The following ZFYVE9 variants were observed in gnomAD, a reference collection of about 807,000 sequenced individuals.
The protein encoded by ZFYVE9 is zinc finger FYVE-type containing 9.
ZFYVE9 carries 43 observed loss-of-function variants against 126.7 expected under a neutral mutation model. The observed-to-expected ratio is 0.34, with a 90% confidence interval of 0.27 to 0.44. ZFYVE9 has a LOEUF of 0.44. Among genes scored for constraint, ZFYVE9 ranks in the 20% least tolerant of loss-of-function variants. The pLI is 1.00. For missense variants in ZFYVE9, 1,476 were observed against 1,697.0 expected (o/e 0.87, Z 2.29); for synonymous variants, 521 against 597.4 (o/e 0.87, Z 1.87).
chr1:52,326,190 T>G (rs1429759810), intron 13 of ZFYVE9, among the ~76,000 whole-genome samples: 1 of 152,248 alleles, frequency 6.6e-6, no homozygotes, highest in African/African-American at 2.4e-5. Flanking sequence ...TACTGGTATG[T>G]CATTCTCAAT....
chr1:52,280,876 G>T lies in ZFYVE9; in HGVS notation c.2870-785G>T, dbSNP rs1645796047. Among the ~76,000 whole-genome samples the T allele has an allele frequency of 2.0e-5, 3 of 152,046 alleles. No homozygotes were observed. The South Asian group carries it at 6.2e-4, about 32-fold the overall frequency. ...TATTTCCTTTAGGTCACAACCTGAAGATAAAGCTATATTATTGGCTTTTGT... is the reference window on the plus strand; with the variant it reads ...TATTTCCTTTAGGTCACAACCTGAATATAAAGCTATATTATTGGCTTTTGT... On this transcript the variant is annotated intron_variant, in intron 9 of 18. Transcript: ENST00000287727.
chr1:52,219,803 G>GT lies in ZFYVE9; in HGVS notation c.-37+3329_-37+3330insT, dbSNP rs1557463701. Among the ~76,000 whole-genome samples, 1,128 of 137,276 alleles carry GT rather than the reference G, an allele frequency of 8.2e-3. 17 individuals carry two copies. Among genetic ancestry groups the GT allele is most frequent in the Middle Eastern group, 0.064 (17 of 264 alleles). 90.1% of individuals were successfully genotyped at this position (137,276 alleles called of 152,430 possible). On this transcript the variant is annotated intron_variant, in intron 2 of 18. Coordinates refer to ENST00000287727, the MANE Select transcript of ZFYVE9 (RefSeq NM_004799.4). ...TGTGTGTGTGTGTGTGTGTGTGTGT[G>GT]GCAGAGTCTTACTCTGTCGCCCGGG...
chr1:52,224,810 G>T (rs1349171544), intron 2 of ZFYVE9, among the ~76,000 whole-genome samples: 1 of 152,034 alleles, frequency 6.6e-6, no homozygotes, highest in Non-Finnish European at 1.5e-5. Flanking sequence ...CCTGGCGGTT[G>T]GTGAGGCTAA....
At chr1:52,208,541 GCCCA>G (rs1644997835) in intron 1 of ZFYVE9, among the ~76,000 whole-genome samples, 1 of 136,100 alleles carries the variant, frequency 7.3e-6, no homozygotes, top group African/African-American at 2.8e-5. Flanking sequence ...TGCTCTTGTT[GCCCA>G]GGCTGGAGTG....
At chr1:52,305,490 T>C (rs1646074435) in intron 13 of ZFYVE9, among the ~76,000 whole-genome samples, 1 of 152,082 alleles carries the variant, frequency 6.6e-6, no homozygotes, top group South Asian at 2.1e-4. Context: ...TCCAGGAAAA[T>C]GATGGCATCA....
intron 8 of ZFYVE9, among the ~76,000 whole-genome samples, chr1:52,275,632 G>A (rs1216782496): frequency 6.6e-6 from 1 of 152,046 alleles, no homozygotes; most frequent in African/African-American, 2.4e-5. Context: ...GCATTTCTCT[G>A]ATGATTAGTG....
intron 15 of ZFYVE9, chr1:52,335,119 C>CA (rs1325849005): frequency 6.0e-6 from 1 of 166,520 alleles, no homozygotes; most frequent in African/African-American, 2.4e-5. Flanking sequence ...ATTTGGAGTA[C>CA]AAAATGGCAT....
intron 1 of ZFYVE9, among the ~76,000 whole-genome samples, chr1:52,214,238 G>A (rs1645052505): frequency 6.6e-6 from 1 of 152,056 alleles, no homozygotes; most frequent in African/African-American, 2.4e-5. Context: ...ACCAGCCTGG[G>A]TAACACAGTG....
intron 1 of ZFYVE9, among the ~76,000 whole-genome samples, chr1:52,215,965 GA>G (rs1253826407): frequency 1.3e-5 from 2 of 151,922 alleles, no homozygotes; most frequent in African/African-American, 2.4e-5. Context: ...TACATGTATA[GA>G]AAAAAAATCA....
intron 1 of ZFYVE9, among the ~76,000 whole-genome samples, chr1:52,195,185 C>G (rs1459339770): frequency 6.6e-6 from 1 of 151,948 alleles, no homozygotes; most frequent in African/African-American, 2.4e-5. Context: ...TTTCTCTTTT[C>G]TTTGCAAAAC....
chr1:52,148,102 A>G (rs1056081363), intron 1 of ZFYVE9, among the ~76,000 whole-genome samples: 1 of 151,998 alleles, frequency 6.6e-6, no homozygotes, highest in Non-Finnish European at 1.5e-5. Flanking sequence ...ATTTACAGTC[A>G]TTAGGTAAAT....
At chr1:52,227,997 G>C (rs1159087193) in intron 2 of ZFYVE9, among the ~76,000 whole-genome samples, 1 of 151,702 alleles carries the variant, frequency 6.6e-6, no homozygotes, top group Non-Finnish European at 1.5e-5. Flanking sequence ...TTTCCTTCTA[G>C]GTTTATGGCA....
chr1:52,250,744 C>T (rs1199444965), intron 4 of ZFYVE9, among the ~76,000 whole-genome samples: 1 of 150,342 alleles, frequency 6.7e-6, no homozygotes, highest in Non-Finnish European at 1.5e-5. Flanking sequence ...GGGTGTCATT[C>T]TGTCACCCAG....
chr1:52,314,681 G>C (rs547380241), intron 13 of ZFYVE9, among the ~76,000 whole-genome samples: 1 of 152,152 alleles, frequency 6.6e-6, no homozygotes, highest in African/African-American at 2.4e-5. Context: ...TTAACCGGGT[G>C]TGGTGGCGCG....
chr1:52,320,616 A>G (rs1646230260), intron 13 of ZFYVE9, among the ~76,000 whole-genome samples: 1 of 152,208 alleles, frequency 6.6e-6, no homozygotes. Flanking sequence ...ACCTCATACC[A>G]TGTACAAAAA....
At chr1:52,344,729 T>C (rs1288060676) in intron 17 of ZFYVE9, 39 bp from the exon 18 acceptor site, 4 of 1,606,766 alleles carry the variant, frequency 2.5e-6, no homozygotes, top group Non-Finnish European at 3.4e-6. Context: ...TCCCAAAATC[T>C]AGGCACAAGT....
At chr1:52,250,377 A>G (rs1015864483) in intron 4 of ZFYVE9, among the ~76,000 whole-genome samples, 2 of 152,156 alleles carry the variant, frequency 1.3e-5, no homozygotes, top group South Asian at 4.1e-4. Context: ...TTTTGATGCT[A>G]TTGTAAATGG....
intron 1 of ZFYVE9, among the ~76,000 whole-genome samples, chr1:52,163,197 T>C (rs1457740330): frequency 6.6e-6 from 1 of 152,256 alleles, no homozygotes; most frequent in East Asian, 1.9e-4. Context: ...TTTAACTTTC[T>C]GATCCTTAAT....
At chr1:52,308,240 G>A (rs1646104610) in intron 13 of ZFYVE9, among the ~76,000 whole-genome samples, 2 of 152,180 alleles carry the variant, frequency 1.3e-5, no homozygotes, top group South Asian at 4.1e-4. Context: ...GAGTGCAGTG[G>A]CACAATCATG....
Sources: allele counts gnomAD v4.1 joint callset (sites outside exome capture counted in the v4.1 genomes callset), GRCh38; gene constraint gnomAD v4.1.1; transcripts MANE v1.5; gene names NCBI Gene and HGNC (gene_info 2026-07-23, HGNC 2026-07-21).